FRK: variants seen among roughly 807,000 people sequenced by gnomAD.
FRK encodes the protein fyn related Src family tyrosine kinase.
In FRK, 51 loss-of-function variants were observed where a neutral mutation model predicts 56.4. The ratio of observed to expected loss-of-function variants is 0.90; its 90% CI spans 0.72 to 1.14. FRK has a LOEUF of 1.14. FRK is among the 50% of genes most tolerant of loss of function. The pLI, the probability that FRK is intolerant of heterozygous loss-of-function variation, is 0.00. For missense variants in FRK, 570 were observed against 601.4 expected, an observed-to-expected ratio of 0.95 and a Z score of 0.55; for synonymous variants, 245 against 217.9, an observed-to-expected ratio of 1.12 and a Z score of -1.10.
At chr6:116,088,012 C>T in the FRK span, among the ~76,000 whole-genome samples, 2 of 152,226 alleles carry the variant, frequency 1.3e-5, no homozygotes, top group African/African-American at 4.8e-5. Context: ...ATCATGACAA[C>T]AGGAGCCAGC....
chr6:116,072,454 G>A, the FRK span, among the ~76,000 whole-genome samples: 2 of 151,570 alleles, frequency 1.3e-5, no homozygotes, highest in African/African-American at 4.9e-5. Flanking sequence ...CTAACCCTTT[G>A]AAGATAAGCA....
At chr6:115,954,499 G>A (rs1772910768) in intron 5 of FRK, among the ~76,000 whole-genome samples, 1 of 152,200 alleles carries the variant, frequency 6.6e-6, no homozygotes, top group Non-Finnish European at 1.5e-5. Flanking sequence ...GCCAGCCAAT[G>A]AGATTTTGCT....
At chr6:116,096,811 G>T in the FRK span, among the ~76,000 whole-genome samples, 1 of 152,126 alleles carries the variant, frequency 6.6e-6, no homozygotes, top group Admixed American at 6.5e-5. Context: ...TTGTTCTTTC[G>T]CTCTTCACAA....
the FRK span, among the ~76,000 whole-genome samples, chr6:116,084,675 A>G: frequency 6.6e-6 from 1 of 152,224 alleles, no homozygotes; most frequent in Non-Finnish European, 1.5e-5. Flanking sequence ...AAGCTAGATC[A>G]TATTTAAGAT....
At chr6:115,985,455 CT>C (rs764795602) in intron 2 of FRK, among the ~76,000 whole-genome samples, 6 of 152,080 alleles carry the variant, frequency 3.9e-5, no homozygotes, top group Non-Finnish European at 8.8e-5. Context: ...AGATCTCAAT[CT>C]TATATTTCTG....
At chr6:116,045,570 T>C (rs1776916760) in intron 1 of FRK, among the ~76,000 whole-genome samples, 2 of 152,138 alleles carry the variant, frequency 1.3e-5, no homozygotes, top group African/African-American at 2.4e-5. Context: ...TTACAACTTA[T>C]ACAAAAATTA....
At chr6:116,095,379 C>G in the FRK span, among the ~76,000 whole-genome samples, 37 of 152,142 alleles carry the variant, frequency 2.4e-4, no homozygotes, top group Admixed American at 2.4e-3. Flanking sequence ...CAGGAAGGAG[C>G]CATCTATATC....
intron 5 of FRK, among the ~76,000 whole-genome samples, chr6:115,945,930 G>A (rs1257521506): frequency 6.6e-6 from 1 of 151,960 alleles, no homozygotes; most frequent in Non-Finnish European, 1.5e-5. Context: ...TTATTTTGTG[G>A]TGACTGACTC....
At chr6:116,097,903 T>C in the FRK span, among the ~76,000 whole-genome samples, 1 of 152,190 alleles carries the variant, frequency 6.6e-6, no homozygotes, top group Non-Finnish European at 1.5e-5. Context: ...ATTTCCTACA[T>C]TTAACACAAC....
At chr6:116,096,188 G>A in the FRK span, among the ~76,000 whole-genome samples, 24 of 152,296 alleles carry the variant, frequency 1.6e-4, no homozygotes, top group African/African-American at 4.8e-4. Flanking sequence ...CTGGCCTAAA[G>A]AGTTCCCCTC....
rs1772181372 is a variant in FRK, at chr6:115,941,535, G to A, written c.*879C>T. 1 of 152,050 alleles carries A rather than the reference G, an allele frequency of 6.6e-6. No individual in the cohort carries two copies. Among genetic ancestry groups the A allele is most frequent in the African/African-American group, 2.4e-5 (1 of 41,394 alleles). 9.4% of individuals were successfully genotyped at this position (152,050 alleles called of 1,614,324 possible). ...AAATAAATAAAACTCTGATCTGTAG[G>A]CCAAAGGGTACTTCTTTTTCTTTAT... On this transcript the variant is annotated 3_prime_UTR_variant, in exon 8 of 8. Coordinates refer to ENST00000606080, the MANE Select transcript of FRK (RefSeq NM_002031.3).
the FRK span, among the ~76,000 whole-genome samples, chr6:116,081,565 G>A: frequency 2.6e-5 from 4 of 152,146 alleles, no homozygotes; most frequent in Non-Finnish European, 5.9e-5. Context: ...GGCTGAGGCA[G>A]GAGAATTGCT....
chr6:115,982,326 C>A (rs1049899309), intron 2 of FRK, among the ~76,000 whole-genome samples: 12 of 152,128 alleles, frequency 7.9e-5, no homozygotes, highest in African/African-American at 2.9e-4. Flanking sequence ...CCATTGCCAG[C>A]CTTTCTGGGT....
chr6:116,010,914 CTTTG>C (rs1392281240), intron 1 of FRK, among the ~76,000 whole-genome samples: 5 of 152,098 alleles, frequency 3.3e-5, no homozygotes, highest in Admixed American at 6.5e-5. Flanking sequence ...GACCTTATTT[CTTTG>C]TTTGTATTAA....
At chr6:116,021,208 GCTT>G (rs1245181793) in intron 1 of FRK, among the ~76,000 whole-genome samples, 4 of 151,476 alleles carry the variant, frequency 2.6e-5, no homozygotes, top group African/African-American at 9.7e-5. Flanking sequence ...GACCATGCTT[GCTT>G]ACAAGTTTAC....
Position 115,942,405 on chromosome 6 carries a change from C to A in FRK, c.*9G>T, listed in dbSNP as rs1291600497. The A allele has an allele frequency of 6.3e-7, 1 of 1,596,196 alleles. No homozygotes were observed. Among genetic ancestry groups the A allele is most frequent in the South Asian group, 1.1e-5 (1 of 90,460 alleles). ...TGCTACTTTATTATTTGATATTCTT[C>A]TCCAGTGTTCATCTTATGAAGTTAT... is the stretch of plus-strand genomic sequence containing the variant. On this transcript the variant is annotated 3_prime_UTR_variant, in exon 8 of 8. Coordinates refer to ENST00000606080, the MANE Select transcript of FRK (RefSeq NM_002031.3).
At chr6:116,094,226 C>A in the FRK span, among the ~76,000 whole-genome samples, 8 of 152,238 alleles carry the variant, frequency 5.3e-5, no homozygotes, top group Non-Finnish European at 1.2e-4. Context: ...GACAAAGGTT[C>A]TCTGGACCAG....
At chr6:116,063,509 A>T (rs1209090797), upstream of FRK, among the ~76,000 whole-genome samples, 1 of 152,176 alleles carries the variant, frequency 6.6e-6, no homozygotes, top group East Asian at 1.9e-4. Context: ...AAAAAAAAAA[A>T]ATCCAACACA....
chr6:116,056,076 T>C (rs979961861), intron 1 of FRK, among the ~76,000 whole-genome samples: 2 of 152,084 alleles, frequency 1.3e-5, no homozygotes, highest in African/African-American at 2.4e-5. Context: ...ATTCCCCTCC[T>C]ACCAATCCCC....
Sources: allele counts gnomAD v4.1 joint callset (sites outside exome capture counted in the v4.1 genomes callset), GRCh38; gene constraint gnomAD v4.1.1; transcripts MANE v1.5; gene names NCBI Gene and HGNC (gene_info 2026-07-23, HGNC 2026-07-21).